TOX3: variants seen among roughly 807,000 people sequenced by gnomAD.
The protein encoded by TOX3 is CAG trinucleotide repeat-containing gene F9 protein.
TOX3 carries 22 observed loss-of-function variants against 64.3 expected under a neutral mutation model. The ratio of observed to expected loss-of-function variants is 0.34; its 90% CI spans 0.24 to 0.49. The LOEUF (loss-of-function observed/expected upper bound fraction) is 0.49, where lower values mean the gene tolerates loss of function less well. Ranked by LOEUF, TOX3 falls within the 20% of genes least tolerant of loss-of-function variation. The pLI is 0.99. For synonymous variants in TOX3, 291 were observed against 273.6 expected (o/e 1.06, Z -0.63); for missense variants, 661 against 714.4 (o/e 0.93, Z 0.85).
intron 5 of TOX3, 21 bp from the exon 6 acceptor site, chr16:52,444,377 G>A (rs1315413078): frequency 1.3e-6 from 2 of 1,532,860 alleles, no homozygotes; most frequent in African/African-American, 1.4e-5. Flanking sequence ...ACCACAATTA[G>A]CACCACCTTT....
intron 1 of TOX3, among the ~76,000 whole-genome samples, chr16:52,540,425 T>G (rs1009561753): frequency 1.3e-5 from 2 of 151,940 alleles, no homozygotes; most frequent in African/African-American, 4.8e-5. Flanking sequence ...TATATATATA[T>G]TCCTCGAATG....
intron 1 of TOX3, among the ~76,000 whole-genome samples, chr16:52,511,603 A>C (rs1326920322): frequency 6.6e-6 from 1 of 152,234 alleles, no homozygotes; most frequent in Non-Finnish European, 1.5e-5. Context: ...TTTAAAGATT[A>C]GGATACTCTC....
At chr16:52,478,761 G>A (rs984172738) in intron 1 of TOX3, among the ~76,000 whole-genome samples, 5 of 152,102 alleles carry the variant, frequency 3.3e-5, no homozygotes, top group African/African-American at 4.8e-5. Context: ...CTGAACTTCT[G>A]TTTCCTCACT....
intron 1 of TOX3, among the ~76,000 whole-genome samples, chr16:52,520,107 A>G (rs1280269156): frequency 6.6e-6 from 1 of 152,210 alleles, no homozygotes; most frequent in African/African-American, 2.4e-5. Flanking sequence ...ATCTAATTTT[A>G]TGAAATATGG....
intron 1 of TOX3, among the ~76,000 whole-genome samples, chr16:52,539,005 A>G (rs1275182058): frequency 6.6e-6 from 1 of 152,156 alleles, no homozygotes; most frequent in African/African-American, 2.4e-5. Flanking sequence ...CCTTCAAAAT[A>G]TATTTGAGTT....
chr16:52,473,222 G>A (rs1961100484), intron 1 of TOX3, among the ~76,000 whole-genome samples: 1 of 152,046 alleles, frequency 6.6e-6, no homozygotes, highest in East Asian at 1.9e-4. Context: ...ATCACAAGAC[G>A]AATACTTCAG....
At chr16:52,468,629 C>A (rs1732988634) in intron 1 of TOX3, 55 bp from the exon 2 acceptor site, 1 of 1,402,684 alleles carries the variant, frequency 7.1e-7, no homozygotes, top group Non-Finnish European at 1.0e-6. Context: ...AGCATTCTGG[C>A]TGTGATTTGG....
At chr16:52,540,908 C>T (rs901358199) in intron 1 of TOX3, among the ~76,000 whole-genome samples, 1 of 152,198 alleles carries the variant, frequency 6.6e-6, no homozygotes, top group Non-Finnish European at 1.5e-5. Context: ...AACCCAAAGA[C>T]TTCTTTGAAG....
chr16:52,509,210 C>T (rs948987995), intron 1 of TOX3, among the ~76,000 whole-genome samples: 1 of 152,096 alleles, frequency 6.6e-6, no homozygotes, highest in Non-Finnish European at 1.5e-5. Flanking sequence ...AGCCTCATTA[C>T]AAAGAACATC....
chr16:52,474,823 G>A (rs1055749679), intron 1 of TOX3, among the ~76,000 whole-genome samples: 7 of 152,018 alleles, frequency 4.6e-5, no homozygotes, highest in African/African-American at 1.7e-4. Context: ...AATGGCTTCC[G>A]ATTCATTCAA....
At chr16:52,528,950 C>G (rs574058732) in intron 1 of TOX3, among the ~76,000 whole-genome samples, 1 of 152,280 alleles carries the variant, frequency 6.6e-6, no homozygotes, top group African/African-American at 2.4e-5. Flanking sequence ...AGTGCAGAAA[C>G]TCTTTGCAAC....
At chr16:52,476,295 G>A (rs1479162005) in intron 1 of TOX3, among the ~76,000 whole-genome samples, 3 of 152,180 alleles carry the variant, frequency 2.0e-5, no homozygotes, top group African/African-American at 7.2e-5. Flanking sequence ...CTCAAACACG[G>A]AGGCCTTGGG....
chr16:52,488,121 AT>A (rs1414547845), intron 1 of TOX3, among the ~76,000 whole-genome samples: 2 of 152,060 alleles, frequency 1.3e-5, no homozygotes, highest in African/African-American at 4.8e-5. Flanking sequence ...TGGTATGTAT[AT>A]TTTATTTCTT....
intron 1 of TOX3, among the ~76,000 whole-genome samples, chr16:52,534,574 C>T (rs930462179): frequency 2.0e-5 from 3 of 151,868 alleles, no homozygotes; most frequent in East Asian, 3.9e-4. Flanking sequence ...GAGTTTGAGG[C>T]TGCAGTGGCT....
chr16:52,517,473 C>A (rs576208360), intron 1 of TOX3, among the ~76,000 whole-genome samples: 1 of 152,194 alleles, frequency 6.6e-6, no homozygotes, highest in South Asian at 2.1e-4. Context: ...TGGCTCTCTT[C>A]TTGGTGGTGC....
At chr16:52,461,181 A>T (rs1960675609) in intron 3 of TOX3, among the ~76,000 whole-genome samples, 1 of 152,156 alleles carries the variant, frequency 6.6e-6, no homozygotes, top group African/African-American at 2.4e-5. Flanking sequence ...TCCTCTGATC[A>T]TCTGAACTGA....
chr16:52,545,071 A>C (rs1963147904), intron 1 of TOX3, among the ~76,000 whole-genome samples: 1 of 152,224 alleles, frequency 6.6e-6, no homozygotes, highest in South Asian at 2.1e-4. Flanking sequence ...CTACATACTT[A>C]ATTAGGCTGC....
intron 3 of TOX3, among the ~76,000 whole-genome samples, chr16:52,451,068 G>A (rs146616478): frequency 1.6e-4 from 24 of 152,226 alleles, no homozygotes; most frequent in African/African-American, 2.9e-4. Flanking sequence ...CACAGGGCAC[G>A]CAGAGGATGG....
chr16:52,532,108 A>AT (rs1260815712), intron 1 of TOX3, among the ~76,000 whole-genome samples: 11 of 152,180 alleles, frequency 7.2e-5, no homozygotes, highest in Non-Finnish European at 1.3e-4. Context: ...GAGAGCCACT[A>AT]TGCAGGAGAT....
Sources: gnomAD v4.1 joint callset for allele counts (sites outside exome capture counted in the v4.1 genomes callset) on GRCh38, gnomAD v4.1.1 for gene constraint, MANE v1.5 for transcripts, NCBI Gene and HGNC (gene_info 2026-07-23, HGNC 2026-07-21) for gene names.